CNNM1: variants seen among roughly 807,000 people sequenced by gnomAD.
CNNM1 encodes metal transporter CNNM1.
Under a neutral mutation model 78.8 loss-of-function variants are expected in CNNM1, and 44 were observed. The observed-to-expected ratio is 0.56, with a 90% confidence interval of 0.44 to 0.72. The LOEUF is 0.72. Among genes scored for constraint, CNNM1 ranks in the 30% least tolerant of loss-of-function variants. The probability of loss-of-function intolerance (pLI) is 0.00; values close to 1 mark genes in which losing one functional copy is unlikely to be tolerated. For synonymous variants in CNNM1, 584 were observed against 581.5 expected, an observed-to-expected ratio of 1.00 and a Z score of -0.06; for missense variants, 1,101 against 1,292.2, an observed-to-expected ratio of 0.85 and a Z score of 2.27.
At chr10:99,345,722 A>T (rs2030660851) in intron 1 of CNNM1, among the ~76,000 whole-genome samples, 1 of 152,208 alleles carries the variant, frequency 6.6e-6, no homozygotes, top group Non-Finnish European at 1.5e-5. Context: ...GCCTGAGCTT[A>T]ATGTATCCAG....
At chr10:99,367,515 G>C (rs185821984) in intron 6 of CNNM1, among the ~76,000 whole-genome samples, 1 of 152,212 alleles carries the variant, frequency 6.6e-6, no homozygotes, top group East Asian at 1.9e-4. Context: ...CAGGTCTCCT[G>C]TCTGTTTGGT....
chr10:99,363,413 T>C, intron 4 of CNNM1, among the ~76,000 whole-genome samples: 1 of 151,786 alleles, frequency 6.6e-6, no homozygotes, highest in East Asian at 1.9e-4. Context: ...GAATATAAAC[T>C]TAACGGTTTT....
intron 6 of CNNM1, among the ~76,000 whole-genome samples, chr10:99,365,369 C>A (rs1041088813): frequency 5.9e-5 from 9 of 152,234 alleles, no homozygotes; most frequent in African/African-American, 2.2e-4. Flanking sequence ...GGCCTTTACT[C>A]AAACACTGTC....
At chr10:99,361,039 A>G (rs2031415373) in intron 3 of CNNM1, 64 bp downstream of exon 3, 2 of 1,462,560 alleles carry the variant, frequency 1.4e-6, no homozygotes, top group Admixed American at 2.3e-5. Flanking sequence ...CCAGGCACCA[A>G]TCGTTGTTAA....
Position 99,330,100 on chromosome 10 carries a change from T to C in CNNM1, c.713T>C (p.Leu238Pro). The stretch of plus-strand genomic sequence containing the variant: ...CTCCTGCTGCTAGCCTTGTCGGCCC[T>C]GTTCAGCGGCCTGCGCCTGAGCCTG... Reference protein sequence around the residue: ...GALLLLALSALFSGLRLSLLS... With the variant: ...GALLLLALSAPFSGLRLSLLS... The change falls in exon 1 of 11, where the codon CTG becomes CCG. Residue 238 changes from leucine to proline, a missense_variant. Physicochemically the swap from Leu to Pro is moderately conservative, Grantham distance 98. This residue lies in a region of CNNM1 where 476 missense variants were observed against 484.5 expected (regional missense o/e 0.98). Coordinates refer to ENST00000356713, the MANE Select transcript of CNNM1 (RefSeq NM_020348.3). The C allele has an allele frequency of 6.5e-7, 1 of 1,548,880 alleles. No homozygotes were observed. The highest frequency in any genetic ancestry group is 8.7e-7 in the Non-Finnish European group (1 of 1,155,082).
chr10:99,357,247 T>C (rs960296580), intron 1 of CNNM1, among the ~76,000 whole-genome samples: 1 of 152,172 alleles, frequency 6.6e-6, no homozygotes, highest in Non-Finnish European at 1.5e-5. Context: ...TGCTAATATG[T>C]AAAAGTTCAA....
chr10:99,330,688 C>T lies in CNNM1; in HGVS notation c.1301C>T (p.Thr434Ile). ...LRTKVVEEVL[T>I]PLGDCFMLRS... ...ACCAAAGTTGTGGAGGAGGTGCTGA[C>T]CCCCCTGGGAGACTGCTTCATGCTG... Residue 434 changes from threonine to isoleucine, a missense_variant, in exon 1 of 11, where the codon ACC (threonine) becomes ATC (isoleucine). Thr to Ile is a moderately conservative substitution (Grantham distance 89, BLOSUM62 -1). Coordinates refer to ENST00000356713, the MANE Select transcript of CNNM1 (RefSeq NM_020348.3). 1 of 1,609,832 alleles carries T rather than the reference C, an allele frequency of 6.2e-7. No individual in the cohort carries two copies. Among genetic ancestry groups the T allele is most frequent in the Non-Finnish European group, 8.5e-7 (1 of 1,176,530 alleles).
At chr10:99,375,984 C>A (rs1281380092) in intron 6 of CNNM1, among the ~76,000 whole-genome samples, 1 of 152,200 alleles carries the variant, frequency 6.6e-6, no homozygotes, top group African/African-American at 2.4e-5. Context: ...CTTAATTGAA[C>A]TTTTCCAAGA....
intron 6 of CNNM1, among the ~76,000 whole-genome samples, chr10:99,371,412 T>G (rs778539692): frequency 4.6e-5 from 7 of 152,208 alleles, no homozygotes; most frequent in Non-Finnish European, 1.0e-4. Context: ...CACTCCTTCT[T>G]TCTTCTCCTG....
At chr10:99,361,741 T>C (rs2031441379) in intron 3 of CNNM1, among the ~76,000 whole-genome samples, 1 of 152,210 alleles carries the variant, frequency 6.6e-6, no homozygotes, top group Non-Finnish European at 1.5e-5. Context: ...ATAAATATGA[T>C]GCAATGATGC....
At chr10:99,367,756 C>A (rs1012836828) in intron 6 of CNNM1, among the ~76,000 whole-genome samples, 2 of 152,192 alleles carry the variant, frequency 1.3e-5, no homozygotes, top group African/African-American at 4.8e-5. Flanking sequence ...ATGCTATCAT[C>A]TGCAGACTGG....
intron 1 of CNNM1, among the ~76,000 whole-genome samples, chr10:99,349,281 C>G (rs1347360709): frequency 1.3e-5 from 2 of 152,108 alleles, no homozygotes; most frequent in African/African-American, 4.8e-5. Flanking sequence ...CAGCCTCATC[C>G]AAGATCAATT....
intron 1 of CNNM1, among the ~76,000 whole-genome samples, chr10:99,349,974 G>A (rs935018114): frequency 5.9e-5 from 9 of 152,142 alleles, no homozygotes; most frequent in African/African-American, 1.9e-4. Context: ...ACTCCAGCCT[G>A]AGCAACAGAG....
At position 99,388,308 on chromosome 10, in the gene CNNM1, GA is replaced by G; in HGVS notation, c.2674+8del. 1 of 1,612,430 alleles carries G rather than the reference GA, an allele frequency of 6.2e-7. No homozygotes were observed. Among genetic ancestry groups the G allele is most frequent in the Non-Finnish European group, 8.5e-7 (1 of 1,179,358 alleles). On this transcript the variant is annotated splice_region_variant and intron_variant, in intron 9 of 10. Transcript: ENST00000356713. ...GCCGTTCCCACGAGAGCAGGTCAGG[GA>G]GGCCAGCTGGGCCCAGTGCAGCAAG...
At chr10:99,391,098 T>C (rs1396763051) in intron 10 of CNNM1, among the ~76,000 whole-genome samples, 1 of 152,230 alleles carries the variant, frequency 6.6e-6, no homozygotes. Flanking sequence ...TGAGGGTGTC[T>C]GGCAGTCAGA....
intron 1 of CNNM1, among the ~76,000 whole-genome samples, chr10:99,343,863 C>T (rs886826990): frequency 2.6e-5 from 4 of 151,736 alleles, no homozygotes; most frequent in Admixed American, 6.6e-5. Flanking sequence ...TACAGACACC[C>T]GCCACCATGC....
intron 7 of CNNM1, among the ~76,000 whole-genome samples, chr10:99,378,997 C>T (rs961599390): frequency 1.8e-4 from 27 of 152,332 alleles, no homozygotes; most frequent in African/African-American, 6.0e-4. Context: ...TCATAGCCCA[C>T]GATTCTGCTC....
At chr10:99,383,950 T>C (rs766847133) in intron 7 of CNNM1, among the ~76,000 whole-genome samples, 6 of 152,200 alleles carry the variant, frequency 3.9e-5, no homozygotes, top group Non-Finnish European at 7.3e-5. Context: ...AAAATACACA[T>C]TGTATTTCAA....
At chr10:99,357,082 G>T (rs1354585679) in intron 1 of CNNM1, among the ~76,000 whole-genome samples, 2 of 152,132 alleles carry the variant, frequency 1.3e-5, no homozygotes, top group Admixed American at 1.3e-4. Flanking sequence ...ATGAGAGATG[G>T]TAATTCAGTG....
Sources: gnomAD v4.1 joint callset for allele counts (sites outside exome capture counted in the v4.1 genomes callset) on GRCh38, gnomAD v4.1.1 for gene constraint, gnomAD v4.1.1 regional missense constraint, MANE v1.5 for transcripts, NCBI Gene and HGNC (gene_info 2026-07-23, HGNC 2026-07-21) for gene names.